The following RGS22 variants were observed in gnomAD, a reference collection of about 807,000 sequenced individuals.
RGS22 encodes the protein regulator of G-protein signaling 22.
In RGS22, 148 loss-of-function variants were observed where a neutral mutation model predicts 172.9. The ratio of observed to expected loss-of-function variants is 0.86; its 90% CI spans 0.75 to 0.98. The LOEUF is 0.98. RGS22 is among the 50% of genes least tolerant of loss of function. The probability of loss-of-function intolerance (pLI) is 0.00; values close to 1 mark genes in which losing one functional copy is unlikely to be tolerated. For synonymous variants in RGS22, 458 were observed against 480.2 expected, an observed-to-expected ratio of 0.95 and a Z score of 0.60; for missense variants, 1,347 against 1,440.8, an observed-to-expected ratio of 0.93 and a Z score of 1.05.
At position 100,088,058 on chromosome 8, in the gene RGS22, C is replaced by A. The variant is rs1812290922; in HGVS notation, c.117+5389G>T. On this transcript the variant is annotated intron_variant, in intron 3 of 27. Coordinates refer to ENST00000360863, the MANE Select transcript of RGS22 (RefSeq NM_015668.5). ...GATTTTGGCAAGAGAAGACCCAAAC[C>A]CTTCATCCCATGCATTCCCCCAAAA... is the stretch of plus-strand genomic sequence containing the variant. 2.0e-5 allele frequency among the ~76,000 whole-genome samples: 3 copies of A among 152,008 alleles called. No individual in the cohort carries two copies. In the South Asian group the frequency reaches 6.2e-4, roughly 32 times the overall value.
At chr8:99,999,020 A>G (rs1019433188) in intron 19 of RGS22, among the ~76,000 whole-genome samples, 1 of 151,742 alleles carries the variant, frequency 6.6e-6, no homozygotes, top group Non-Finnish European at 1.5e-5. Flanking sequence ...TTAGCTGGGC[A>G]TGGTAGTGCA....
At chr8:100,028,036 T>C (rs1818366987) in intron 14 of RGS22, among the ~76,000 whole-genome samples, 1 of 152,166 alleles carries the variant, frequency 6.6e-6, no homozygotes, top group Non-Finnish European at 1.5e-5. Context: ...ACTCTGCATT[T>C]CACCTTGTGT....
At position 100,002,192 on chromosome 8, in the gene RGS22, A is replaced by C; in HGVS notation, c.2790+10T>G. The C allele has an allele frequency of 6.5e-7, 1 of 1,533,800 alleles. No individual in the cohort carries two copies. Among genetic ancestry groups the C allele is most frequent in the South Asian group, 1.3e-5 (1 of 76,926 alleles). On this transcript the variant is annotated intron_variant, in intron 18 of 27. Coordinates refer to ENST00000360863, the MANE Select transcript of RGS22 (RefSeq NM_015668.5). ...ACATCAATTAAAAAAATAGGTTTGC[A>C]TGTTGATACCTGGTTCTGCTGATAC...
Position 100,006,084 on chromosome 8 carries a change from T to C in RGS22, c.2387A>G (p.Gln796Arg), listed in dbSNP as rs1180403859. Residue 796 changes from glutamine to arginine, a missense_variant, in exon 16 of 28, where the codon CAG becomes CGG. Gln to Arg is a conservative substitution (Grantham distance 43). Coordinates refer to ENST00000360863, the MANE Select transcript of RGS22 (RefSeq NM_015668.5). ...CTTTCTGAAGTATGTGGAGTCTAAC[T>C]GTCGAGTTTCTTCCACCAGCTCCAC... Reference protein sequence around the residue: ...KKVELVEETRQLDSTYFRKLQ... With the variant: ...KKVELVEETRRLDSTYFRKLQ... The C allele has an allele frequency of 1.2e-6, 2 of 1,613,166 alleles. No homozygotes were observed. Among genetic ancestry groups the C allele is most frequent in the Non-Finnish European group, 1.7e-6 (2 of 1,179,488 alleles).
intron 10 of RGS22, among the ~76,000 whole-genome samples, chr8:100,051,905 T>TTATATATTTATATATAAATGTTTATATA (rs1821585772): frequency 2.5e-5 from 1 of 39,376 alleles, no homozygotes; most frequent in Non-Finnish European, 4.7e-5. Flanking sequence ...GTTTATATAT[T>TTATATATTTATATATAAATGTTTATATA]TATATATTTA....
At chr8:100,006,548 A>G (rs545362725) in intron 15 of RGS22, among the ~76,000 whole-genome samples, 1 of 152,342 alleles carries the variant, frequency 6.6e-6, no homozygotes, top group South Asian at 2.1e-4. Context: ...GAGACCATCA[A>G]TCATCAAATA....
chr8:100,096,136 T>G (rs1482879831), intron 2 of RGS22, among the ~76,000 whole-genome samples: 1 of 152,194 alleles, frequency 6.6e-6, no homozygotes, highest in East Asian at 1.9e-4. Flanking sequence ...AAAACAAAAT[T>G]AAGCCTTGAG....
At chr8:100,083,271 C>T (rs139939256) in intron 3 of RGS22, among the ~76,000 whole-genome samples, 203 of 152,274 alleles carry the variant, frequency 1.3e-3, no homozygotes, top group Middle Eastern at 3.4e-3. Flanking sequence ...TATCACATCG[C>T]GACCAGGTTT....
Position 100,063,661 on chromosome 8 carries a change from T to C in RGS22, c.1107A>G (p.Leu369=), listed in dbSNP as rs766476314. The C allele has an allele frequency of 3.1e-6, 5 of 1,613,946 alleles. No homozygotes were observed. Among genetic ancestry groups the C allele is most frequent in the African/African-American group, 1.3e-5 (1 of 74,938 alleles). ...SIHGKNFLSE[L]VQTTKERSEE... ...CTGACCTCTCCTTTGTAGTTTGAAC[T>C]AATTCACTTAAAAAATTCTTGCCAT... Residue 369 remains leucine (L), a synonymous_variant, in exon 8 of 28, where the codon TTA becomes TTG. Transcript: ENST00000360863.
chr8:100,096,199 G>A (rs1812954116), intron 2 of RGS22, among the ~76,000 whole-genome samples: 1 of 152,050 alleles, frequency 6.6e-6, no homozygotes, highest in Non-Finnish European at 1.5e-5. Context: ...CCATTACTTG[G>A]CTATATTAAA....
intron 27 of RGS22, among the ~76,000 whole-genome samples, chr8:99,961,504 C>T (rs1366849015): frequency 6.6e-6 from 1 of 152,162 alleles, no homozygotes; most frequent in African/African-American, 2.4e-5. Context: ...CTCCTGCTGT[C>T]TCTTGAAGAA....
chr8:100,010,426 C>T (rs1816249419), intron 14 of RGS22, among the ~76,000 whole-genome samples: 1 of 152,156 alleles, frequency 6.6e-6, no homozygotes, highest in South Asian at 2.1e-4. Context: ...GCGGAGGTTG[C>T]AGTGAGCCAA....
intron 11 of RGS22, among the ~76,000 whole-genome samples, chr8:100,046,017 A>G (rs1057119814): frequency 1.3e-5 from 2 of 152,052 alleles, no homozygotes; most frequent in African/African-American, 4.8e-5. Context: ...GATGACAAGA[A>G]TAAGAATCAA....
chr8:100,026,768 G>C (rs1284652682), intron 14 of RGS22, among the ~76,000 whole-genome samples: 4 of 152,116 alleles, frequency 2.6e-5, no homozygotes, highest in African/African-American at 9.7e-5. Context: ...GTCCTAAGAA[G>C]CATAAGACTA....
intron 23 of RGS22, among the ~76,000 whole-genome samples, chr8:99,969,521 A>G (rs1811101773): frequency 6.6e-6 from 1 of 152,120 alleles, no homozygotes. Context: ...CTCAAAATAA[A>G]CAAATGGAGG....
intron 14 of RGS22, among the ~76,000 whole-genome samples, chr8:100,031,833 A>G (rs753112145): frequency 5.9e-5 from 9 of 152,234 alleles, no homozygotes; most frequent in Non-Finnish European, 1.2e-4. Context: ...CAGAAACGCT[A>G]TAAGCCAGAA....
At chr8:99,973,784 G>T (rs1167892102) in intron 23 of RGS22, among the ~76,000 whole-genome samples, 1 of 151,054 alleles carries the variant, frequency 6.6e-6, no homozygotes, top group South Asian at 2.1e-4. Context: ...CAGGAGAATC[G>T]CTTGAACCCT....
chr8:100,077,196 C>CA (rs914995253), intron 4 of RGS22, among the ~76,000 whole-genome samples: 1 of 151,614 alleles, frequency 6.6e-6, no homozygotes, highest in Non-Finnish European at 1.5e-5. Flanking sequence ...TTGATTTTTT[C>CA]AAAAAACAAG....
chr8:99,975,575 G>GT (rs1422394868), intron 23 of RGS22, among the ~76,000 whole-genome samples: 3 of 150,926 alleles, frequency 2.0e-5, no homozygotes, highest in Admixed American at 1.3e-4. Context: ...AGATGATAGT[G>GT]TGTATTGCCA....
Sources: allele counts gnomAD v4.1 joint callset (sites outside exome capture counted in the v4.1 genomes callset), GRCh38; gene constraint gnomAD v4.1.1; transcripts MANE v1.5; gene names NCBI Gene and HGNC (gene_info 2026-07-23, HGNC 2026-07-21).